Variants in ABLIM3 observed in about 807,000 individuals in gnomAD.
ABLIM3 encodes actin-binding LIM protein 3.
ABLIM3 carries 61 observed loss-of-function variants against 109.5 expected under a neutral mutation model. That is an observed-to-expected ratio of 0.56 (90% CI 0.45 to 0.69). ABLIM3 has a LOEUF of 0.69. ABLIM3 is among the 30% of genes least tolerant of loss of function. The pLI, the probability that ABLIM3 is intolerant of heterozygous loss-of-function variation, is 0.00. For missense variants in ABLIM3, 796 were observed against 889.5 expected, an observed-to-expected ratio of 0.89 and a Z score of 1.34; for synonymous variants, 300 against 324.8, an observed-to-expected ratio of 0.92 and a Z score of 0.82.
rs138298820 is a variant in ABLIM3 at position 149,207,039 on chromosome 5, C to T, written c.480C>T (p.His160=). Reference sequence around the variant, plus strand: ...CCGGGTGCAAGGAGGAGATCAAGCACGGCCAGTCACTCCTGGCTCTGGACA... The same window carrying T: ...CCGGGTGCAAGGAGGAGATCAAGCATGGCCAGTCACTCCTGGCTCTGGACA... The part of the protein sequence containing the change: ...HCAGCKEEIK[H]GQSLLALDKQ... The change falls in exon 6 of 24, where the codon CAC becomes CAT. Residue 160 remains histidine (H), a synonymous_variant. Transcript: ENST00000309868. The T allele has an allele frequency of 5.2e-5, 84 of 1,613,938 alleles. No homozygotes were observed. The African/African-American group carries it at 7.1e-4, about 14-fold the overall frequency.
At chr5:149,222,799 T>C (rs549893729) in intron 8 of ABLIM3, among the ~76,000 whole-genome samples, 2 of 152,022 alleles carry the variant, frequency 1.3e-5, no homozygotes, top group South Asian at 4.2e-4. Flanking sequence ...GGCCTCCCAT[T>C]GTTATGGGTT....
At chr5:149,176,322 A>G (rs1755925922) in intron 2 of ABLIM3, among the ~76,000 whole-genome samples, 1 of 152,118 alleles carries the variant, frequency 6.6e-6, no homozygotes, top group Non-Finnish European at 1.5e-5. Flanking sequence ...ACCTCCAATC[A>G]TTATTTTTAC....
intron 5 of ABLIM3, among the ~76,000 whole-genome samples, chr5:149,206,327 G>C (rs1758962347): frequency 1.3e-5 from 2 of 152,186 alleles, no homozygotes; most frequent in South Asian, 4.1e-4. Flanking sequence ...GAAGGCACAT[G>C]TTCGATGTGT....
intron 13 of ABLIM3, among the ~76,000 whole-genome samples, 183 bp downstream of exon 13, chr5:149,240,071 G>T (rs1399820011): frequency 2.6e-5 from 4 of 152,376 alleles, no homozygotes; most frequent in Non-Finnish European, 2.9e-5. Context: ...TGGCAGGGGG[G>T]ATGGAGGAGT....
intron 10 of ABLIM3, among the ~76,000 whole-genome samples, chr5:149,234,835 G>C (rs941837283): frequency 1.2e-4 from 18 of 152,290 alleles, no homozygotes; most frequent in African/African-American, 4.3e-4. Flanking sequence ...TAGAATAGGA[G>C]CACTCAGGAA....
chr5:149,152,721 A>G (rs1043593064), intron 2 of ABLIM3, among the ~76,000 whole-genome samples: 5 of 152,150 alleles, frequency 3.3e-5, no homozygotes, highest in Admixed American at 6.5e-5. Flanking sequence ...CATACGGGAC[A>G]TGCCTGGTCC....
chr5:149,227,493 T>A (rs1042852332), intron 8 of ABLIM3, among the ~76,000 whole-genome samples: 3 of 152,200 alleles, frequency 2.0e-5, no homozygotes, highest in Non-Finnish European at 4.4e-5. Flanking sequence ...CTTTATCACA[T>A]AACATTCCAA....
At chr5:149,170,070 C>T (rs1581035230) in intron 2 of ABLIM3, among the ~76,000 whole-genome samples, 2 of 152,004 alleles carry the variant, frequency 1.3e-5, no homozygotes, top group Non-Finnish European at 2.9e-5. Context: ...CAGATTATTT[C>T]CTCACCCAAG....
At chr5:149,156,054 G>A (rs1753845202) in intron 2 of ABLIM3, among the ~76,000 whole-genome samples, 1 of 152,266 alleles carries the variant, frequency 6.6e-6, no homozygotes, top group African/African-American at 2.4e-5. Flanking sequence ...GAGGGAGAGT[G>A]TGGGGATGCA....
chr5:149,216,866 C>A, intron 7 of ABLIM3, 93 bp from the exon 8 acceptor site: 1 of 1,130,606 alleles, frequency 8.8e-7, no homozygotes, highest in African/African-American at 1.5e-5. Context: ...ATGCAAACAA[C>A]ACTAATGTAC....
intron 6 of ABLIM3, 116 bp from the exon 7 acceptor site, chr5:149,210,610 A>C (rs980101938): frequency 6.3e-6 from 5 of 797,522 alleles, no homozygotes; most frequent in Non-Finnish European, 1.1e-5. Context: ...TTATTAAAGG[A>C]GAAGTATCGA....
intron 13 of ABLIM3, 143 bp from the exon 14 acceptor site, chr5:149,240,533 C>G: frequency 5.9e-6 from 4 of 672,530 alleles, no homozygotes; most frequent in Non-Finnish European, 1.1e-5. Context: ...GCTTCCGCCC[C>G]GGAACCTGAG....
intron 2 of ABLIM3, among the ~76,000 whole-genome samples, chr5:149,148,135 A>G (rs1753096230): frequency 6.6e-6 from 1 of 152,244 alleles, no homozygotes; most frequent in South Asian, 2.1e-4. Context: ...TAATAAAAAA[A>G]TGCTTAGATT....
At chr5:149,224,268 T>G (rs1397045157) in intron 8 of ABLIM3, among the ~76,000 whole-genome samples, 1 of 152,220 alleles carries the variant, frequency 6.6e-6, no homozygotes, top group Non-Finnish European at 1.5e-5. Context: ...CAACTGTTAT[T>G]ATCAGCACCT....
chr5:149,223,559 G>A (rs1191832875), intron 8 of ABLIM3, among the ~76,000 whole-genome samples: 1 of 152,178 alleles, frequency 6.6e-6, no homozygotes, highest in East Asian at 1.9e-4. Flanking sequence ...CAGCTGGGTC[G>A]AGGGGCCCGT....
At chr5:149,235,060 G>T (rs1360841629) in intron 10 of ABLIM3, among the ~76,000 whole-genome samples, 2 of 152,114 alleles carry the variant, frequency 1.3e-5, no homozygotes, top group South Asian at 2.1e-4. Flanking sequence ...TCCAACTAGG[G>T]GCTTACACAT....
In ABLIM3 at chr5:149,239,835, G is replaced by T; in HGVS notation, c.1151G>T (p.Arg384Leu). The T allele has an allele frequency of 6.2e-7, 1 of 1,610,858 alleles. No homozygotes were observed. The highest frequency in any genetic ancestry group is 1.1e-5 in the South Asian group (1 of 90,658). ...TACATAGACTCCCCCACCTACAGCCGGCAGGGCATGTCCCCCACCTTCTCC... is the reference window on the plus strand; with the variant it reads ...TACATAGACTCCCCCACCTACAGCCTGCAGGGCATGTCCCCCACCTTCTCC... ...PGYIDSPTYS[R>L]QGMSPTFSRS... Residue 384 changes from arginine (R) to leucine (L), a missense_variant, in exon 13 of 24, where the codon CGG becomes CTG. Coordinates refer to ENST00000309868, the MANE Select transcript of ABLIM3 (RefSeq NM_014945.5).
intron 8 of ABLIM3, among the ~76,000 whole-genome samples, chr5:149,228,756 TA>T (rs2127542836): frequency 6.6e-6 from 1 of 152,350 alleles, no homozygotes; most frequent in Admixed American, 6.5e-5. Flanking sequence ...TTTCTAATTA[TA>T]TTTTTTTTCT....
At chr5:149,211,405 C>T (rs1364662768) in intron 7 of ABLIM3, among the ~76,000 whole-genome samples, 7 of 152,086 alleles carry the variant, frequency 4.6e-5, no homozygotes, top group Admixed American at 3.3e-4. Flanking sequence ...TCTTCCTATA[C>T]CCTGTGGGCC....
Sources: allele counts gnomAD v4.1 joint callset (sites outside exome capture counted in the v4.1 genomes callset), GRCh38; gene constraint gnomAD v4.1.1; transcripts MANE v1.5; gene names NCBI Gene and HGNC (gene_info 2026-07-23, HGNC 2026-07-21).